Variants in NRP1 observed in about 807,000 individuals in gnomAD.
NRP1 encodes neuropilin-1.
Under a neutral mutation model 106.7 loss-of-function variants are expected in NRP1, and 35 were observed. The observed-to-expected ratio is 0.33, with a 90% confidence interval of 0.25 to 0.43. The LOEUF (loss-of-function observed/expected upper bound fraction) is 0.43, where lower values mean the gene tolerates loss of function less well. Among genes scored for constraint, NRP1 ranks in the 20% least tolerant of loss-of-function variants. The pLI is 1.00. For synonymous variants in NRP1, 437 were observed against 417.9 expected (o/e 1.05, Z -0.56); for missense variants, 1,024 against 1,170.4 (o/e 0.87, Z 1.83).
intron 2 of NRP1, among the ~76,000 whole-genome samples, chr10:33,326,180 G>C (rs1847878352): frequency 6.6e-6 from 1 of 152,130 alleles, no homozygotes; most frequent in Admixed American, 6.5e-5. Flanking sequence ...GGAAACTGGA[G>C]AAGTTTCATA....
At chr10:33,187,804 G>A (rs1293989485) in intron 13 of NRP1, among the ~76,000 whole-genome samples, 1 of 152,160 alleles carries the variant, frequency 6.6e-6, no homozygotes, top group African/African-American at 2.4e-5. Flanking sequence ...TTCTCACTGT[G>A]CACACGTGGG....
chr10:33,238,275 C>G (rs997731837), intron 6 of NRP1, among the ~76,000 whole-genome samples: 2 of 152,222 alleles, frequency 1.3e-5, no homozygotes, highest in Non-Finnish European at 2.9e-5. Flanking sequence ...AATGAAATGG[C>G]ACAGAAACTG....
intron 2 of NRP1, among the ~76,000 whole-genome samples, chr10:33,290,990 G>A (rs1564460039): frequency 6.6e-6 from 1 of 152,120 alleles, no homozygotes; most frequent in Admixed American, 6.6e-5. Flanking sequence ...GCCACTGTAG[G>A]GGGCAGTGCA....
At chr10:33,223,042 G>A (rs114128586) in intron 7 of NRP1, among the ~76,000 whole-genome samples, 6 of 152,286 alleles carry the variant, frequency 3.9e-5, no homozygotes, top group South Asian at 2.1e-4. Flanking sequence ...GGAACAGCCC[G>A]TGGGATGGTG....
intron 2 of NRP1, among the ~76,000 whole-genome samples, chr10:33,276,884 C>T (rs144404230): frequency 6.6e-6 from 1 of 152,100 alleles, no homozygotes; most frequent in Non-Finnish European, 1.5e-5. Flanking sequence ...ACATATGTCC[C>T]ATAATTCAAG....
chr10:33,296,046 T>C (rs1845361453), intron 2 of NRP1, among the ~76,000 whole-genome samples: 1 of 152,216 alleles, frequency 6.6e-6, no homozygotes, highest in South Asian at 2.1e-4. Flanking sequence ...GTGTGTAAAG[T>C]TGCTTGGACT....
At chr10:33,199,389 A>ATATATATATATATAT (rs1564372890) in intron 11 of NRP1, among the ~76,000 whole-genome samples, 3 of 36,850 alleles carry the variant, frequency 8.1e-5, no homozygotes, top group East Asian at 1.5e-3. Flanking sequence ...ATATATATAT[A>ATATATATATATATAT]TTTTTTTTTT....
chr10:33,209,026 C>T (rs1299303950), intron 9 of NRP1, among the ~76,000 whole-genome samples: 1 of 150,946 alleles, frequency 6.6e-6, no homozygotes, highest in African/African-American at 2.4e-5. Flanking sequence ...CCTGTCTCAG[C>T]CTCCTGAGTA....
intron 2 of NRP1, among the ~76,000 whole-genome samples, chr10:33,277,816 T>C (rs576110617): frequency 1.3e-5 from 2 of 152,362 alleles, no homozygotes; most frequent in Non-Finnish European, 2.9e-5. Flanking sequence ...ATTCTTTCTT[T>C]TTTAAAAATA....
chr10:33,197,859 T>C (rs921501284), intron 11 of NRP1, 150 bp from the exon 12 acceptor site: 1 of 442,506 alleles, frequency 2.3e-6, no homozygotes, highest in Non-Finnish European at 4.0e-6. Flanking sequence ...TTCCCTTCAA[T>C]TTTGCTCACC....
intron 3 of NRP1, among the ~76,000 whole-genome samples, chr10:33,265,363 A>T (rs1053541791): frequency 6.6e-6 from 1 of 152,162 alleles, no homozygotes; most frequent in African/African-American, 2.4e-5. Context: ...GGCAGACGTG[A>T]TGGGGCCCCG....
At chr10:33,260,372 G>A (rs777337489) in intron 4 of NRP1, among the ~76,000 whole-genome samples, 39 of 152,032 alleles carry the variant, frequency 2.6e-4, no homozygotes, top group Non-Finnish European at 5.0e-4. Flanking sequence ...ATCTTTAGAA[G>A]ATTAATTAAA....
At chr10:33,261,034 T>C (rs982801107) in intron 4 of NRP1, among the ~76,000 whole-genome samples, 1 of 151,556 alleles carries the variant, frequency 6.6e-6, no homozygotes, top group African/African-American at 2.4e-5. Flanking sequence ...CAGTTTTATT[T>C]TGCCTAAAAA....
intron 2 of NRP1, among the ~76,000 whole-genome samples, chr10:33,306,344 C>T (rs905319880): frequency 1.6e-5 from 2 of 126,186 alleles, no homozygotes; most frequent in African/African-American, 6.2e-5. Flanking sequence ...TTGCATTCTG[C>T]GGGTCAGAAG....
At chr10:33,249,565 A>C (rs1317827583) in intron 6 of NRP1, 1 of 504,280 alleles carries the variant, frequency 2.0e-6, no homozygotes, top group South Asian at 1.5e-5. Context: ...ATGATTAACC[A>C]GAAACAAAGA....
At chr10:33,213,954 T>C in intron 8 of NRP1, 1 of 526,652 alleles carries the variant, frequency 1.9e-6, no homozygotes, top group South Asian at 2.7e-5. Flanking sequence ...AGAACATACA[T>C]TTCCCCCGCT....
chr10:33,230,421 C>T (rs1840017206), intron 6 of NRP1, among the ~76,000 whole-genome samples: 1 of 152,096 alleles, frequency 6.6e-6, no homozygotes, highest in Admixed American at 6.5e-5. Context: ...AATTCTATGC[C>T]CTCCCCTTCT....
At chr10:33,202,808 A>G (rs1837444102) in intron 11 of NRP1, 83 bp downstream of exon 11, 1 of 1,612,770 alleles carries the variant, frequency 6.2e-7, no homozygotes, top group Non-Finnish European at 8.5e-7. Context: ...GCGGAGTTAC[A>G]AGCACACACA....
chr10:33,201,664 C>T (rs1837318938), intron 11 of NRP1: 1 of 152,114 alleles, frequency 6.6e-6, no homozygotes, highest in Admixed American at 6.5e-5. Flanking sequence ...ACAAGATTTG[C>T]ATTCAAAAGC....
Sources: allele counts gnomAD v4.1 joint callset (sites outside exome capture counted in the v4.1 genomes callset), GRCh38; gene constraint gnomAD v4.1.1; transcripts MANE v1.5; gene names NCBI Gene and HGNC (gene_info 2026-07-23, HGNC 2026-07-21).